Variants in TDRD9 observed in about 807,000 individuals in gnomAD.
TDRD9 encodes the protein ATP-dependent RNA helicase TDRD9.
Under a neutral mutation model 172.6 loss-of-function variants are expected in TDRD9, and 124 were observed. The observed-to-expected ratio is 0.72, with a 90% CI of 0.62 to 0.83. TDRD9 has a LOEUF of 0.83. TDRD9 is among the 40% of genes least tolerant of loss of function. The pLI, the probability that TDRD9 is intolerant of heterozygous loss-of-function variation, is 0.00. For missense variants in TDRD9, 1,479 were observed against 1,714.1 expected (o/e 0.86, Z 2.42); for synonymous variants, 619 against 617.1 (o/e 1.00, Z -0.05).
rs374902089 is a variant in TDRD9 at position 104,046,926 on chromosome 14, G to A, written c.3975-2682G>A. 7.9e-5 allele frequency among the ~76,000 whole-genome samples: 12 copies of A among 152,310 alleles called. No homozygotes were observed. In the East Asian group the frequency reaches 1.2e-3, roughly 15 times the overall value. On this transcript the variant is annotated intron_variant, in intron 34 of 35. Coordinates refer to ENST00000409874, the MANE Select transcript of TDRD9 (RefSeq NM_153046.3). ...CTCCCAAAGTGCTGGGATTACAGGC[G>A]TGAGCCACCGCACCTGGCCTGCTCT... is the stretch of plus-strand genomic sequence containing the variant.
chr14:104,007,362 G>A (rs1230854071), intron 19 of TDRD9, among the ~76,000 whole-genome samples, 158 bp downstream of exon 19: 1 of 152,162 alleles, frequency 6.6e-6, no homozygotes, highest in Non-Finnish European at 1.5e-5. Flanking sequence ...AGAGTGGCAG[G>A]CCATAATCTC....
intron 13 of TDRD9, among the ~76,000 whole-genome samples, chr14:104,003,472 G>GCCTTCAC (rs2034329763): frequency 6.6e-6 from 1 of 152,184 alleles, no homozygotes. Flanking sequence ...TTGCCAAGAG[G>GCCTTCAC]CCTTCACCCT....
chr14:103,956,317 A>T (rs2032242044), intron 2 of TDRD9, among the ~76,000 whole-genome samples: 1 of 151,330 alleles, frequency 6.6e-6, no homozygotes, highest in African/African-American at 2.4e-5. Context: ...GTGTGCCTGT[A>T]ATCTCAGCTA....
intron 6 of TDRD9, 25 bp from the exon 7 acceptor site, chr14:103,975,364 T>A (rs2033192051): frequency 6.3e-7 from 1 of 1,593,226 alleles, no homozygotes. Flanking sequence ...ATTGTTTTAT[T>A]TGAATGTTTT....
intron 7 of TDRD9, among the ~76,000 whole-genome samples, chr14:103,981,227 A>G (rs1229730296): frequency 6.6e-6 from 1 of 152,042 alleles, no homozygotes; most frequent in Non-Finnish European, 1.5e-5. Flanking sequence ...TTGAAATGTG[A>G]GAGTGATGAT....
chr14:104,014,472 G>A (rs879625648), intron 20 of TDRD9, among the ~76,000 whole-genome samples: 4 of 151,750 alleles, frequency 2.6e-5, no homozygotes, highest in Non-Finnish European at 5.9e-5. Flanking sequence ...GTAGAGACTG[G>A]GTTTCGCCAT....
chr14:104,004,978 CTTT>C (rs946703093), intron 14 of TDRD9, among the ~76,000 whole-genome samples: 1 of 151,754 alleles, frequency 6.6e-6, no homozygotes, highest in African/African-American at 2.4e-5. Flanking sequence ...TGTCCTCCTT[CTTT>C]TTTTTCTTCT....
At chr14:104,033,130 C>T (rs72714917) in intron 30 of TDRD9, among the ~76,000 whole-genome samples, 25,143 of 152,124 alleles carry the variant, frequency 0.17, 2,773 homozygotes, top group East Asian at 0.35. Context: ...TCTGAAAGGG[C>T]CGTGAACCTT....
intron 28 of TDRD9, among the ~76,000 whole-genome samples, chr14:104,030,219 G>T (rs2035241219): frequency 6.6e-6 from 1 of 152,198 alleles, no homozygotes; most frequent in Non-Finnish European, 1.5e-5. Context: ...TAGACCAGGT[G>T]CAGTGGCTCA....
At chr14:104,016,883 A>G (rs1048339241) in intron 22 of TDRD9, among the ~76,000 whole-genome samples, 4 of 152,236 alleles carry the variant, frequency 2.6e-5, no homozygotes, top group Admixed American at 6.5e-5. Flanking sequence ...AGTCCTGAAG[A>G]AATAAATAGC....
At chr14:103,971,400 G>C (rs1407899884) in intron 6 of TDRD9, among the ~76,000 whole-genome samples, 2 of 151,520 alleles carry the variant, frequency 1.3e-5, no homozygotes, top group African/African-American at 4.9e-5. Context: ...CGCCTCCCAG[G>C]TTCAAGCAAT....
rs368484377 is a variant in TDRD9 at position 103,980,375 on chromosome 14, CA to C, written c.1011+4823del. ...TCATGTGGGTCACGTGTCGACTGGA[CA>C]GGGGGCCCTTCCCTGCCTGGCAGCC... On this transcript the variant is annotated intron_variant, in intron 7 of 35. Transcript: ENST00000409874. This position sits in a 1 kb window ranked among gnomAD's most constrained non-coding sequence, Gnocchi z 4.5. 2.8e-4 allele frequency among the ~76,000 whole-genome samples: 43 copies of C among 152,216 alleles called. No homozygotes were observed. The East Asian group carries it at 8.1e-3, about 29-fold the overall frequency.
chr14:103,977,505 A>T (rs2033296053), intron 7 of TDRD9, among the ~76,000 whole-genome samples: 4 of 150,344 alleles, frequency 2.7e-5, no homozygotes, highest in Admixed American at 2.7e-4. Flanking sequence ...AAAAAAAAAA[A>T]AAAAAAAAAA....
chr14:104,014,643 T>C (rs2034727334), intron 20 of TDRD9, 82 bp from the exon 21 acceptor site: 1 of 748,048 alleles, frequency 1.3e-6, no homozygotes, highest in African/African-American at 1.7e-5. Flanking sequence ...CTTTACCCGT[T>C]GTGCACTTAT....
intron 1 of TDRD9, among the ~76,000 whole-genome samples, chr14:103,946,868 A>C (rs919336811): frequency 2.6e-5 from 4 of 152,240 alleles, no homozygotes; most frequent in African/African-American, 9.6e-5. Context: ...GAGAAGTGCA[A>C]AACATTGCTG....
chr14:104,037,352 C>A (rs2035482008), intron 32 of TDRD9, among the ~76,000 whole-genome samples: 1 of 152,164 alleles, frequency 6.6e-6, no homozygotes, highest in Non-Finnish European at 1.5e-5. Context: ...GTCTCCTGTT[C>A]GGGTGGCGTC....
intron 20 of TDRD9, among the ~76,000 whole-genome samples, chr14:104,013,095 C>G (rs2034666247): frequency 1.3e-5 from 2 of 152,154 alleles, no homozygotes; most frequent in African/African-American, 4.8e-5. Context: ...GGCTTTTCCT[C>G]CCTCCACAGA....
intron 3 of TDRD9, among the ~76,000 whole-genome samples, chr14:103,963,529 T>C (rs2032605964): frequency 6.6e-6 from 1 of 152,218 alleles, no homozygotes; most frequent in South Asian, 2.1e-4. Context: ...GCTAAATGTT[T>C]TTATGAAGCA....
intron 35 of TDRD9, among the ~76,000 whole-genome samples, 169 bp from the exon 36 acceptor site, chr14:104,051,812 A>G (rs772227027): frequency 2.6e-5 from 4 of 152,254 alleles, no homozygotes; most frequent in Non-Finnish European, 4.4e-5. Context: ...GAAATTAAAA[A>G]TGAATTATCA....
Sources: allele counts gnomAD v4.1 joint callset (sites outside exome capture counted in the v4.1 genomes callset), GRCh38; gene constraint gnomAD v4.1.1; non-coding constraint Gnocchi (gnomAD v3.1); transcripts MANE v1.5; gene names NCBI Gene and HGNC (gene_info 2026-07-23, HGNC 2026-07-21).